Variants in PTPRA observed in about 807,000 individuals in gnomAD.
PTPRA encodes the protein protein tyrosine phosphatase receptor type A, also known as receptor-type tyrosine-protein phosphatase alpha.
A neutral mutation model predicts 104.8 loss-of-function variants in PTPRA; 25 were observed. The ratio of observed to expected loss-of-function variants is 0.24; its 90% CI spans 0.17 to 0.33. The LOEUF is 0.33. Among genes scored for constraint, PTPRA ranks in the 10% least tolerant of loss-of-function variants. PTPRA has a pLI of 1.00. For missense variants in PTPRA, 765 were observed against 1,015.3 expected (o/e 0.75, Z 3.35); for synonymous variants, 323 against 368.9 (o/e 0.88, Z 1.43).
chr20:2,902,420 G>T (rs1207877990), intron 1 of PTPRA, among the ~76,000 whole-genome samples: 1 of 152,128 alleles, frequency 6.6e-6, no homozygotes, highest in Non-Finnish European at 1.5e-5. Context: ...GGTTTCCAGG[G>T]ATATGTCTTC....
chr20:3,029,346 G>T (rs1358084894), intron 20 of PTPRA, among the ~76,000 whole-genome samples: 1 of 151,708 alleles, frequency 6.6e-6, no homozygotes, highest in East Asian at 1.9e-4. Flanking sequence ...TCACCATGTT[G>T]CCCAGGCTGG....
At chr20:2,864,565 C>T in the PTPRA span, 1 of 1,614,132 alleles carries the variant, frequency 6.2e-7, no homozygotes, top group Non-Finnish European at 8.5e-7. The surrounding 1 kb of genome is among the most constrained non-coding windows in gnomAD (Gnocchi z 5.2). Context: ...GCATCAGGAG[C>T]TAGAGACGCT....
At chr20:2,871,383 A>G (rs1010550506), upstream of PTPRA, among the ~76,000 whole-genome samples, 4 of 152,138 alleles carry the variant, frequency 2.6e-5, no homozygotes, top group Non-Finnish European at 5.9e-5. Flanking sequence ...CAATTTTTCC[A>G]AGTGTGGTCA....
intron 1 of PTPRA, among the ~76,000 whole-genome samples, chr20:2,898,656 G>A (rs1175542448): frequency 1.3e-5 from 2 of 151,302 alleles, no homozygotes; most frequent in Admixed American, 6.6e-5. Context: ...TCTGGAGTTC[G>A]AGACCAGCCT....
At chr20:2,889,631 T>A (rs2058720347) in intron 1 of PTPRA, among the ~76,000 whole-genome samples, 1 of 152,230 alleles carries the variant, frequency 6.6e-6, no homozygotes, top group Non-Finnish European at 1.5e-5. Flanking sequence ...ATGTCTTTTC[T>A]TTCTGGGATT....
At chr20:2,960,449 C>T (rs1375981563) in intron 3 of PTPRA, among the ~76,000 whole-genome samples, 2 of 151,986 alleles carry the variant, frequency 1.3e-5, no homozygotes, top group Admixed American at 1.3e-4. Context: ...CGGGGTTTCA[C>T]CATGTTAGCC....
intron 13 of PTPRA, among the ~76,000 whole-genome samples, chr20:3,019,697 CGGCGCTTTGGGAGG>C (rs1256621101): frequency 6.6e-6 from 1 of 152,200 alleles, no homozygotes; most frequent in Non-Finnish European, 1.5e-5. Flanking sequence ...GCTGCAATCT[CGGCGCTTTGGGAGG>C]CCAAAGCAGG....
At chr20:3,018,544 A>G in intron 13 of PTPRA, among the ~76,000 whole-genome samples, 1 of 151,852 alleles carries the variant, frequency 6.6e-6, no homozygotes. Flanking sequence ...GTTGGGGGTA[A>G]GGTCACAGAT....
At chr20:2,929,640 C>T (rs980644205) in intron 2 of PTPRA, among the ~76,000 whole-genome samples, 3 of 151,902 alleles carry the variant, frequency 2.0e-5, no homozygotes, top group Non-Finnish European at 4.4e-5. Flanking sequence ...GCCTGGGAAA[C>T]ATGGGGAGAT....
chr20:2,878,591 C>T (rs189675300), intron 1 of PTPRA, among the ~76,000 whole-genome samples: 27 of 152,186 alleles, frequency 1.8e-4, no homozygotes, highest in Admixed American at 2.6e-4. Context: ...TTTTATACCC[C>T]TTGTTCAAAT....
chr20:2,865,405 G>C, the PTPRA span: 1 of 1,614,146 alleles, frequency 6.2e-7, no homozygotes, highest in Non-Finnish European at 8.5e-7. The surrounding 1 kb of genome is among the most constrained non-coding windows in gnomAD (Gnocchi z 5.2). Context: ...GCAGGCTCTG[G>C]TGGCTGAAGC....
chr20:3,018,713 A>C (rs1158676371), intron 13 of PTPRA, among the ~76,000 whole-genome samples: 4 of 151,006 alleles, frequency 2.6e-5, no homozygotes, highest in South Asian at 4.2e-4. Context: ...CATTGTCATC[A>C]TGGCCCGTTC....
At chr20:2,939,329 C>G (rs1297966790) in intron 2 of PTPRA, among the ~76,000 whole-genome samples, 1 of 152,150 alleles carries the variant, frequency 6.6e-6, no homozygotes, top group African/African-American at 2.4e-5. Flanking sequence ...AGGACTCCAT[C>G]TGGTTATTCC....
At chr20:2,944,059 T>TA (rs35912449) in intron 2 of PTPRA, among the ~76,000 whole-genome samples, 1 of 149,906 alleles carries the variant, frequency 6.7e-6, no homozygotes, top group Non-Finnish European at 1.5e-5. Flanking sequence ...TTTTTTTTTT[T>TA]AGACAGGGTC....
At chr20:2,987,130 A>G (rs7361425) in intron 7 of PTPRA, among the ~76,000 whole-genome samples, 1 of 152,088 alleles carries the variant, frequency 6.6e-6, no homozygotes, top group Non-Finnish European at 1.5e-5. Flanking sequence ...TTGGAGGTTG[A>G]GGTAAGAAAC....
chr20:2,990,224 G>A (rs894237651), intron 9 of PTPRA, among the ~76,000 whole-genome samples: 2 of 152,194 alleles, frequency 1.3e-5, no homozygotes, highest in African/African-American at 4.8e-5. Context: ...CTGGGGCATT[G>A]CTAAACCATC....
chr20:3,026,811 A>G (rs1055439911), intron 18 of PTPRA, 31 bp downstream of exon 18: 1 of 1,529,822 alleles, frequency 6.5e-7, no homozygotes, highest in Non-Finnish European at 9.1e-7. Context: ...CCAAAGCCTT[A>G]TTGCCCCATC....
rs3833326 is a variant in PTPRA at position 3,022,633 on chromosome 20, TCTG to T, written c.1329-53_1329-51del. 2.8e-4 allele frequency: 453 copies of T among 1,609,064 alleles called. 6 individuals are homozygous for T. In the East Asian group the frequency reaches 0.01, roughly 36 times the overall value. On this transcript the variant is annotated intron_variant, in intron 15 of 23. Transcript: ENST00000399903. This position sits in a 1 kb window ranked among gnomAD's most constrained non-coding sequence, Gnocchi z 4.6. ...CCCCTGCCTGTGTTGCCCCTCCCTA[TCTG>T]CTCCCACAAGGCAGGCTGGCCATCC... is the stretch of plus-strand genomic sequence containing the variant.
At chr20:2,986,917 C>T (rs1219633442) in intron 7 of PTPRA, 68 bp downstream of exon 7, 4 of 1,359,092 alleles carry the variant, frequency 2.9e-6, no homozygotes, top group Non-Finnish European at 4.2e-6. Flanking sequence ...AATGAACCCA[C>T]ACAGTCCAGT....
Sources: gnomAD v4.1 joint callset for allele counts (sites outside exome capture counted in the v4.1 genomes callset) on GRCh38, gnomAD v4.1.1 for gene constraint, Gnocchi (gnomAD v3.1) non-coding constraint, MANE v1.5 for transcripts, NCBI Gene and HGNC (gene_info 2026-07-23, HGNC 2026-07-21) for gene names.